Variants in DLEU7 observed in about 807,000 individuals in gnomAD.
DLEU7 encodes leukemia-associated protein 7.
Under a neutral mutation model 16.0 loss-of-function variants are expected in DLEU7, and 17 were observed. The observed-to-expected ratio is 1.06, with a 90% confidence interval of 0.73 to 1.59. The LOEUF (loss-of-function observed/expected upper bound fraction) is 1.59, where lower values mean the gene tolerates loss of function less well. DLEU7 is among the 40% of genes most tolerant of loss of function. The probability of loss-of-function intolerance (pLI) is 0.00; values close to 1 mark genes in which losing one functional copy is unlikely to be tolerated. For synonymous variants in DLEU7, 113 were observed against 139.8 expected (o/e 0.81, Z 1.35); for missense variants, 308 against 314.9 (o/e 0.98, Z 0.17).
At position 50,843,633 on chromosome 13, in the gene DLEU7, G is replaced by A; in HGVS notation, c.14C>T (p.Ala5Val). 2.0e-6 allele frequency: 3 copies of A among 1,510,676 alleles called. No homozygotes were observed. The highest frequency in any genetic ancestry group is 2.6e-6 in the Non-Finnish European group (3 of 1,135,922). 93.6% of individuals were successfully genotyped at this position (1,510,676 alleles called of 1,614,324 possible). MASP[A>V]PLVASISHQM... ...GTGGCTGATGGAGGCCACTAAGGGCGCAGGGCTGGCCATCGCCTCCGCTGG... is the reference window on the plus strand; with the variant it reads ...GTGGCTGATGGAGGCCACTAAGGGCACAGGGCTGGCCATCGCCTCCGCTGG... The change falls in exon 1 of 2, where the codon GCG (alanine) becomes GTG (valine). Residue 5 changes from alanine (A) to valine (V), a missense_variant. Coordinates refer to ENST00000504404, the MANE Select transcript of DLEU7 (RefSeq NM_001306135.2). The surrounding 1 kb of genome is among the most constrained non-coding windows in gnomAD (Gnocchi z 5.7).
chr13:50,769,421 G>A (rs987032385), intron 1 of DLEU7, among the ~76,000 whole-genome samples: 4 of 152,164 alleles, frequency 2.6e-5, no homozygotes, highest in African/African-American at 4.8e-5. Flanking sequence ...GTGGTTTTAG[G>A]TCTAACACTT....
chr13:50,795,219 G>A (rs1218912796), intron 1 of DLEU7, among the ~76,000 whole-genome samples: 1 of 152,088 alleles, frequency 6.6e-6, no homozygotes, highest in Non-Finnish European at 1.5e-5. Flanking sequence ...CTCTGGTCAG[G>A]GGTCATATAT....
chr13:50,720,952 T>C (rs569715199), intron 1 of DLEU7, among the ~76,000 whole-genome samples: 2 of 152,328 alleles, frequency 1.3e-5, no homozygotes, highest in South Asian at 4.1e-4. Flanking sequence ...TCAACTTGAT[T>C]GGATTGAAGG....
intron 1 of DLEU7, among the ~76,000 whole-genome samples, chr13:50,719,956 G>A (rs1873550330): frequency 6.6e-6 from 1 of 152,194 alleles, no homozygotes. Context: ...TTCTCACTTT[G>A]TGGAGTAGGC....
At chr13:50,825,967 G>A (rs565315074) in intron 1 of DLEU7, among the ~76,000 whole-genome samples, 4 of 151,728 alleles carry the variant, frequency 2.6e-5, no homozygotes, top group African/African-American at 7.2e-5. Flanking sequence ...CCATTAACTC[G>A]TCATTTACAT....
At chr13:50,814,470 C>G (rs1566260255) in intron 1 of DLEU7, among the ~76,000 whole-genome samples, 2 of 151,774 alleles carry the variant, frequency 1.3e-5, no homozygotes, top group Non-Finnish European at 2.9e-5. Context: ...CAACAACAAA[C>G]TAATAATAAT....
At chr13:50,712,353 C>T (rs1360218089) in exon 2 of DLEU7, 2 of 152,160 alleles carry the variant, frequency 1.3e-5, no homozygotes, top group African/African-American at 4.8e-5. Flanking sequence ...GAGGTTTAAA[C>T]AGTATGTTGA....
chr13:50,747,278 G>T (rs1355510828), intron 1 of DLEU7, among the ~76,000 whole-genome samples: 1 of 150,878 alleles, frequency 6.6e-6, no homozygotes, highest in East Asian at 1.9e-4. Flanking sequence ...AAAATATGAG[G>T]CATTCCATTT....
intron 1 of DLEU7, among the ~76,000 whole-genome samples, chr13:50,829,587 C>T (rs572788875): frequency 2.0e-5 from 3 of 152,252 alleles, no homozygotes; most frequent in African/African-American, 7.2e-5. Context: ...CAATAAAATT[C>T]GACTGCTGGG....
At chr13:50,750,352 T>C (rs1874526147) in intron 1 of DLEU7, among the ~76,000 whole-genome samples, 2 of 152,226 alleles carry the variant, frequency 1.3e-5, no homozygotes. Context: ...ATAGTATAGT[T>C]TGAAATCAGG....
chr13:50,830,626 C>A (rs999373008), intron 1 of DLEU7, among the ~76,000 whole-genome samples: 11 of 152,180 alleles, frequency 7.2e-5, no homozygotes, highest in African/African-American at 2.4e-4. Flanking sequence ...CATTTGGACA[C>A]ACTAGAGAAA....
rs1034074155 is a variant in DLEU7, at chr13:50,823,289, G to C, written c.*25C>G. 4.0e-5 allele frequency: 62 copies of C among 1,534,252 alleles called. No individual in the cohort carries two copies. Among genetic ancestry groups the C allele is most frequent in the Non-Finnish European group, 5.4e-5 (62 of 1,145,320 alleles). On this transcript the variant is annotated 3_prime_UTR_variant, in exon 2 of 2. Coordinates refer to ENST00000504404, the MANE Select transcript of DLEU7 (RefSeq NM_001306135.2). ...GGTTCTCTTAACAGTGCTGGCTGTG[G>C]TTTTACTCCCGATGCCTTTAACACT...
intron 1 of DLEU7, among the ~76,000 whole-genome samples, chr13:50,730,417 A>G (rs1484456671): frequency 6.6e-6 from 1 of 152,172 alleles, no homozygotes; most frequent in Non-Finnish European, 1.5e-5. Context: ...CAATTAGAAA[A>G]GCCCAGCAGA....
chr13:50,720,573 T>C (rs1054934666), intron 1 of DLEU7, among the ~76,000 whole-genome samples: 1 of 152,232 alleles, frequency 6.6e-6, no homozygotes, highest in East Asian at 1.9e-4. Flanking sequence ...ATTCTCATGT[T>C]ATTGTTTTAT....
intron 1 of DLEU7, among the ~76,000 whole-genome samples, chr13:50,717,380 A>G (rs948642302): frequency 6.6e-6 from 1 of 152,232 alleles, no homozygotes; most frequent in Non-Finnish European, 1.5e-5. Flanking sequence ...ATGGAGCCAG[A>G]AAGAGGCCAG....
intron 1 of DLEU7, among the ~76,000 whole-genome samples, chr13:50,753,500 G>A (rs896505163): frequency 2.0e-5 from 3 of 152,242 alleles, no homozygotes; most frequent in East Asian, 1.9e-4. Flanking sequence ...CAGCACTGGT[G>A]GGCCGGCTCT....
chr13:50,747,086 A>G (rs999327569), intron 1 of DLEU7, among the ~76,000 whole-genome samples: 1 of 152,166 alleles, frequency 6.6e-6, no homozygotes. Flanking sequence ...AGAATTCACG[A>G]AAGATAGAAT....
At chr13:50,773,934 T>G (rs1430245532) in intron 1 of DLEU7, among the ~76,000 whole-genome samples, 1 of 152,152 alleles carries the variant, frequency 6.6e-6, no homozygotes. Context: ...AGTTTGAGCT[T>G]CCAGGCCACT....
intron 1 of DLEU7, among the ~76,000 whole-genome samples, chr13:50,805,285 T>C (rs1035963019): frequency 6.6e-6 from 1 of 152,212 alleles, no homozygotes; most frequent in Non-Finnish European, 1.5e-5. Flanking sequence ...TGTTGGAGTT[T>C]ATCAAATGTC....
Sources: allele counts gnomAD v4.1 joint callset (sites outside exome capture counted in the v4.1 genomes callset), GRCh38; gene constraint gnomAD v4.1.1; non-coding constraint Gnocchi (gnomAD v3.1); transcripts MANE v1.5; gene names NCBI Gene and HGNC (gene_info 2026-07-23, HGNC 2026-07-21).